Variants in KLHL12 observed in about 807,000 individuals in gnomAD.
KLHL12 encodes kelch-like protein 12.
A neutral mutation model predicts 60.8 loss-of-function variants in KLHL12; 17 were observed. That is an observed-to-expected ratio of 0.28 (90% CI 0.19 to 0.42). The LOEUF (loss-of-function observed/expected upper bound fraction) is 0.42, where lower values mean the gene tolerates loss of function less well. Among genes scored for constraint, KLHL12 ranks in the 10% least tolerant of loss-of-function variants. The pLI is 1.00. For synonymous variants in KLHL12, 220 were observed against 250.9 expected, an observed-to-expected ratio of 0.88 and a Z score of 1.16; for missense variants, 468 against 722.3, an observed-to-expected ratio of 0.65 and a Z score of 4.04.
intron 6 of KLHL12, among the ~76,000 whole-genome samples, chr1:202,899,217 G>A (rs987717440): frequency 6.6e-6 from 1 of 152,020 alleles, no homozygotes; most frequent in Admixed American, 6.6e-5. Flanking sequence ...GGTGGCTCAG[G>A]CATGAGAATG....
At chr1:202,897,079 G>A in intron 6 of KLHL12, 119 bp from the exon 7 acceptor site, 1 of 785,456 alleles carries the variant, frequency 1.3e-6, no homozygotes, top group Non-Finnish European at 2.3e-6. Flanking sequence ...GCTGAGGGAT[G>A]CAATCCGAAA....
At chr1:202,913,284 G>A (rs1197686823) in intron 4 of KLHL12, among the ~76,000 whole-genome samples, 1 of 152,118 alleles carries the variant, frequency 6.6e-6, no homozygotes, top group African/African-American at 2.4e-5. Context: ...ACTTCCCAAA[G>A]ACAGACACCT....
intron 6 of KLHL12, among the ~76,000 whole-genome samples, chr1:202,901,927 T>C (rs1316014218): frequency 6.6e-6 from 1 of 152,112 alleles, no homozygotes; most frequent in Non-Finnish European, 1.5e-5. Flanking sequence ...ATAATCACCA[T>C]CCCCACTCAC....
At chr1:202,915,902 C>G (rs1442986529) in intron 4 of KLHL12, among the ~76,000 whole-genome samples, 1 of 152,202 alleles carries the variant, frequency 6.6e-6, no homozygotes, top group Non-Finnish European at 1.5e-5. Flanking sequence ...TGGAAATGTT[C>G]TGGGCACACA....
chr1:202,907,822 T>G (rs1660241057), intron 6 of KLHL12, among the ~76,000 whole-genome samples: 1 of 151,448 alleles, frequency 6.6e-6, no homozygotes. Context: ...GTGGGAAGAC[T>G]GCTTGAGTCC....
Position 202,927,160 on chromosome 1 carries a change from T to TA in KLHL12, c.-118dup. ...GTGGGGATGGAGTGCGGCGCGGGGC[T>TA]AGCAGGCGGCTCGGGAGGAGCCGAA... On this transcript the variant is annotated 5_prime_UTR_variant, in exon 1 of 12. Coordinates refer to ENST00000367261, the MANE Select transcript of KLHL12 (RefSeq NM_021633.4). The TA allele has an allele frequency of 1.0e-6, 1 of 985,208 alleles. No homozygotes were observed. The allele number at this position is 985,208 out of a possible 1,614,324, so 61.0% of individuals were successfully genotyped here.
At chr1:202,904,820 G>A (rs1256845417) in intron 6 of KLHL12, among the ~76,000 whole-genome samples, 7 of 152,156 alleles carry the variant, frequency 4.6e-5, no homozygotes, top group African/African-American at 1.7e-4. Flanking sequence ...CATTTGCACT[G>A]ATCTTTAGTT....
intron 4 of KLHL12, chr1:202,912,352 C>A: frequency 1.3e-6 from 1 of 793,268 alleles, no homozygotes; most frequent in African/African-American, 1.7e-5. Flanking sequence ...GTTAGGAAAG[C>A]CCTGTCAAAG....
chr1:202,915,101 A>G (rs1311894638), intron 4 of KLHL12: 1 of 152,188 alleles, frequency 6.6e-6, no homozygotes, highest in Non-Finnish European at 1.5e-5. Context: ...TTTCTCCACA[A>G]TACATTTTCA....
chr1:202,908,916 C>T (rs1660274375), intron 6 of KLHL12, 94 bp downstream of exon 6: 3 of 782,688 alleles, frequency 3.8e-6, no homozygotes, highest in South Asian at 3.1e-5. Flanking sequence ...AACGAGGTGT[C>T]TGTACTTCTT....
Position 202,893,300 on chromosome 1 carries a change from T to C in KLHL12, c.1519A>G (p.Thr507Ala). Residue 507 changes from threonine to alanine, a missense_variant, in exon 11 of 12, where the codon ACC becomes GCC. Thr to Ala is a moderately conservative substitution (Grantham distance 58). Transcript: ENST00000367261. The surrounding 1 kb of genome is among the most constrained non-coding windows in gnomAD (Gnocchi z 4.1). ...TDSWTTVTSM[T>A]TPRCYVGATV... ...GCCCCTACATAGCATCGTGGAGTGGTCATACTGGTGACAGTTGTCCAGGAA... is the reference window on the plus strand; with the variant it reads ...GCCCCTACATAGCATCGTGGAGTGGCCATACTGGTGACAGTTGTCCAGGAA... 6.2e-7 allele frequency: 1 copy of C among 1,613,338 alleles called. No homozygotes were observed. The highest frequency in any genetic ancestry group is 1.1e-5 in the South Asian group (1 of 91,040).
rs1659698124 is a variant in KLHL12, at chr1:202,892,281, A to G, written c.*252T>C. 6.8e-6 allele frequency: 3 copies of G among 440,860 alleles called. No individual in the cohort carries two copies. The highest frequency in any genetic ancestry group is 3.1e-5 in the South Asian group (1 of 32,032). The allele number at this position is 440,860 out of a possible 1,614,324, so 27.3% of individuals were successfully genotyped here. ...GGAAAGTGCTCCCCAAAGCAGTGGGAGAGGCAATGTGGTCTCTCACATCCA... is the reference window on the plus strand; with the variant it reads ...GGAAAGTGCTCCCCAAAGCAGTGGGGGAGGCAATGTGGTCTCTCACATCCA... On this transcript the variant is annotated 3_prime_UTR_variant, in exon 12 of 12. Coordinates refer to ENST00000367261, the MANE Select transcript of KLHL12 (RefSeq NM_021633.4).
Position 202,893,507 on chromosome 1 carries a change from ACTAG to A in KLHL12, c.1394-86_1394-83del. ...TAGAAATAAACTACGGTCACTAATG[ACTAG>A]CTGAGTTCTACAGTAGATGAGGGAT... On this transcript the variant is annotated intron_variant, in intron 10 of 11. Transcript: ENST00000367261. This position sits in a 1 kb window ranked among gnomAD's most constrained non-coding sequence, Gnocchi z 4.1. 1 of 1,212,132 alleles carries A rather than the reference ACTAG, an allele frequency of 8.2e-7. No homozygotes were observed. Among genetic ancestry groups the A allele is most frequent in the Non-Finnish European group, 1.2e-6 (1 of 846,412 alleles). The allele number at this position is 1,212,132 out of a possible 1,614,324, so 75.1% of individuals were successfully genotyped here. A position where few individuals can be genotyped will look rare whatever the true frequency, so the allele number is the denominator to read the frequency against.
At chr1:202,899,767 G>A (rs1334262505) in intron 6 of KLHL12, among the ~76,000 whole-genome samples, 2 of 150,964 alleles carry the variant, frequency 1.3e-5, no homozygotes, top group Non-Finnish European at 2.9e-5. Context: ...AGGTTGCAGT[G>A]AGCCGAGATT....
chr1:202,912,840 T>C (rs1376084743), intron 4 of KLHL12: 1 of 707,108 alleles, frequency 1.4e-6, no homozygotes, highest in African/African-American at 1.7e-5. Context: ...AGGGCCTAAC[T>C]GCTACAAAGG....
At chr1:202,902,714 G>A (rs895917991) in intron 6 of KLHL12, among the ~76,000 whole-genome samples, 1 of 152,038 alleles carries the variant, frequency 6.6e-6, no homozygotes, top group African/African-American at 2.4e-5. Context: ...TTTGAGCCAG[G>A]CATGGTGGCT....
At chr1:202,925,691 AGT>A (rs1351976731) in intron 1 of KLHL12, among the ~76,000 whole-genome samples, 1 of 152,216 alleles carries the variant, frequency 6.6e-6, no homozygotes, top group Non-Finnish European at 1.5e-5. Context: ...TGTAAGAAAA[AGT>A]GTGTATTCAA....
chr1:202,928,363 C>T (rs1317026279), upstream of KLHL12: 8 of 469,130 alleles, frequency 1.7e-5, no homozygotes, highest in African/African-American at 1.6e-4. Context: ...GGGAATGTAT[C>T]TACAGCTCGG....
intron 4 of KLHL12, chr1:202,911,771 G>A (rs181151163): frequency 1.0e-5 from 7 of 669,512 alleles, no homozygotes; most frequent in African/African-American, 1.8e-5. Context: ...TGTGGACGCC[G>A]CCGAAGAAGC....
Sources: gnomAD v4.1 joint callset for allele counts (sites outside exome capture counted in the v4.1 genomes callset) on GRCh38, gnomAD v4.1.1 for gene constraint, Gnocchi (gnomAD v3.1) non-coding constraint, MANE v1.5 for transcripts, NCBI Gene and HGNC (gene_info 2026-07-23, HGNC 2026-07-21) for gene names.